Variants in ABHD18 observed in about 807,000 individuals in gnomAD.
The protein encoded by ABHD18 is cardiolipin-specific deacylase, mitochondrial.
A neutral mutation model predicts 65.9 loss-of-function variants in ABHD18; 55 were observed. The observed-to-expected ratio is 0.84, with a 90% CI of 0.67 to 1.05. ABHD18 has a LOEUF of 1.05. Ranked by LOEUF, ABHD18 falls within the 50% of genes least tolerant of loss-of-function variation. The probability of loss-of-function intolerance (pLI) is 0.00; values close to 1 mark genes in which losing one functional copy is unlikely to be tolerated. For synonymous variants in ABHD18, 181 were observed against 180.2 expected, an observed-to-expected ratio of 1.00 and a Z score of -0.04; for missense variants, 533 against 558.5, an observed-to-expected ratio of 0.95 and a Z score of 0.46.
chr4:127,971,171 T>C (rs898344662), intron 1 of ABHD18, among the ~76,000 whole-genome samples: 2 of 151,324 alleles, frequency 1.3e-5, no homozygotes, highest in Admixed American at 6.6e-5. Flanking sequence ...GGTGGATTAC[T>C]TGAGCTGAGG....
intron 1 of ABHD18, among the ~76,000 whole-genome samples, chr4:127,974,089 C>T (rs886671874): frequency 5.3e-5 from 8 of 150,002 alleles, no homozygotes; most frequent in African/African-American, 2.0e-4. Context: ...GAGATTTGTT[C>T]TTCAAATTAT....
chr4:128,019,987 CTA>C, intron 8 of ABHD18, 91 bp from the exon 9 acceptor site: 1 of 770,266 alleles, frequency 1.3e-6, no homozygotes, highest in East Asian at 2.8e-5. Flanking sequence ...ATCTGACCAA[CTA>C]TTTACTGCAC....
chr4:128,003,944 G>A (rs528602818), intron 4 of ABHD18, among the ~76,000 whole-genome samples: 13 of 105,764 alleles, frequency 1.2e-4, no homozygotes, highest in Non-Finnish European at 1.9e-4. Flanking sequence ...ACCCTGTCTC[G>A]ATTTAAAAAA....
chr4:127,989,922 C>T, intron 4 of ABHD18, 101 bp downstream of exon 4: 2 of 658,702 alleles, frequency 3.0e-6, no homozygotes, highest in South Asian at 2.7e-5. Flanking sequence ...ACAAGGCAGG[C>T]CTAAATTATT....
rs183837670 is a variant in ABHD18 at position 128,010,599 on chromosome 4, A to G, written c.443-1074A>G. 7.2e-5 allele frequency among the ~76,000 whole-genome samples: 11 copies of G among 151,886 alleles called. No homozygotes were observed. In the East Asian group the frequency reaches 2.1e-3, roughly 30 times the overall value. ...TGGCACAGGTATGCAAAAAAAAACT[A>G]AAAACAAAATCCAAAGCAAAAACTG... On this transcript the variant is annotated intron_variant, in intron 6 of 12. Coordinates refer to ENST00000645843, the MANE Select transcript of ABHD18 (RefSeq NM_001358451.3).
intron 7 of ABHD18, among the ~76,000 whole-genome samples, chr4:128,017,131 T>A (rs573010252): frequency 7.9e-5 from 12 of 152,262 alleles, no homozygotes; most frequent in Middle Eastern, 3.4e-3. Context: ...TTGCCCAGGC[T>A]TGTCTTGAAC....
At chr4:127,982,137 T>G (rs369691364) in intron 1 of ABHD18, among the ~76,000 whole-genome samples, 3 of 152,190 alleles carry the variant, frequency 2.0e-5, no homozygotes, top group Non-Finnish European at 4.4e-5. Flanking sequence ...TTAAAGCCCA[T>G]TGATGGAAAT....
chr4:128,004,155 G>A (rs1753187429), intron 4 of ABHD18, among the ~76,000 whole-genome samples: 1 of 151,336 alleles, frequency 6.6e-6, no homozygotes, highest in Admixed American at 6.6e-5. Context: ...TGTTTTTTTA[G>A]AAAATATGAG....
At chr4:127,966,698 A>C (rs1442810706) in intron 1 of ABHD18, among the ~76,000 whole-genome samples, 1 of 112,274 alleles carries the variant, frequency 8.9e-6, no homozygotes, top group East Asian at 2.6e-4. Flanking sequence ...CTCTACTAAA[A>C]ATACAAAAAA....
chr4:127,995,537 TTTAAAA>T (rs1450727224), intron 4 of ABHD18, among the ~76,000 whole-genome samples: 1 of 152,152 alleles, frequency 6.6e-6, no homozygotes, highest in East Asian at 1.9e-4. Context: ...TATGTTAAAC[TTTAAAA>T]TTAAATTTTA....
chr4:127,966,895 A>AC (rs1421403904), intron 1 of ABHD18, among the ~76,000 whole-genome samples: 1 of 151,110 alleles, frequency 6.6e-6, no homozygotes, highest in African/African-American at 2.4e-5. Context: ...AAAAAAAAAA[A>AC]AAAAACCAAA....
chr4:127,984,294 T>C, intron 2 of ABHD18, 45 bp from the exon 3 acceptor site: 1 of 1,129,002 alleles, frequency 8.9e-7, no homozygotes, highest in Non-Finnish European at 1.3e-6. Flanking sequence ...TAGTAGGTGA[T>C]ATAAAAGATT....
chr4:128,011,616 C>T (rs1754593254), intron 6 of ABHD18, 57 bp from the exon 7 acceptor site: 6 of 1,387,916 alleles, frequency 4.3e-6, no homozygotes, highest in Admixed American at 4.2e-5. Context: ...AATGTACTCT[C>T]AGACAAACAA....
At chr4:128,026,354 G>A (rs1482982364) in intron 10 of ABHD18, among the ~76,000 whole-genome samples, 1 of 151,982 alleles carries the variant, frequency 6.6e-6, no homozygotes, top group Admixed American at 6.5e-5. Flanking sequence ...AGCTACTCAG[G>A]AGGCTGAGGC....
At chr4:128,006,250 T>C (rs1753583859) in intron 4 of ABHD18, among the ~76,000 whole-genome samples, 1 of 152,204 alleles carries the variant, frequency 6.6e-6, no homozygotes, top group Non-Finnish European at 1.5e-5. Context: ...CATGCATTGC[T>C]ATGGAACAAA....
chr4:127,987,987 A>C (rs931931057), intron 3 of ABHD18, among the ~76,000 whole-genome samples: 4 of 152,294 alleles, frequency 2.6e-5, no homozygotes, highest in African/African-American at 9.6e-5. Flanking sequence ...AACAAAGACT[A>C]GTTCAGTCAT....
chr4:128,006,042 C>T (rs1753546062), intron 4 of ABHD18, among the ~76,000 whole-genome samples: 1 of 152,160 alleles, frequency 6.6e-6, no homozygotes. Context: ...CCTAATTTGG[C>T]TTATGCTTGA....
intron 4 of ABHD18, among the ~76,000 whole-genome samples, chr4:127,992,214 G>A (rs1025149971): frequency 2.0e-5 from 3 of 152,158 alleles, no homozygotes; most frequent in African/African-American, 7.2e-5. Flanking sequence ...TCTCACGCCT[G>A]TAATCCCAGC....
Position 127,983,036 on chromosome 4 carries a change from A to G in ABHD18, c.81A>G (p.Glu27=). 1 of 1,555,326 alleles carries G rather than the reference A, an allele frequency of 6.4e-7. No homozygotes were observed. The highest frequency in any genetic ancestry group is 8.7e-7 in the Non-Finnish European group (1 of 1,148,646). Residue 27 remains glutamate (E), a synonymous_variant, in exon 2 of 13, where the codon GAA becomes GAG. Coordinates refer to ENST00000645843, the MANE Select transcript of ABHD18 (RefSeq NM_001358451.3). ...KLFIRGWGRP[E]DLKRLFEFRK... ...TTATCAGAGGATGGGGAAGGCCAGA[A>G]GATCTCAAAAGGCAAGCAATTTTTT...
Sources: gnomAD v4.1 joint callset for allele counts (sites outside exome capture counted in the v4.1 genomes callset) on GRCh38, gnomAD v4.1.1 for gene constraint, MANE v1.5 for transcripts, NCBI Gene and HGNC (gene_info 2026-07-23, HGNC 2026-07-21) for gene names.